Variants in IL20RB observed in about 807,000 individuals in gnomAD.
IL20RB encodes interleukin 20 receptor subunit beta.
A neutral mutation model predicts 33.3 loss-of-function variants in IL20RB; 21 were observed. That is an observed-to-expected ratio of 0.63 (90% CI 0.45 to 0.91). IL20RB has a LOEUF of 0.91. IL20RB is among the 40% of genes least tolerant of loss of function. The pLI is 0.00. For missense variants in IL20RB, 345 were observed against 384.8 expected, an observed-to-expected ratio of 0.90 and a Z score of 0.86; for synonymous variants, 147 against 146.8, an observed-to-expected ratio of 1.00 and a Z score of -0.01.
At chr3:137,004,907 G>A (rs777862884) in intron 6 of IL20RB, among the ~76,000 whole-genome samples, 7 of 152,166 alleles carry the variant, frequency 4.6e-5, no homozygotes, top group Admixed American at 6.5e-5. Flanking sequence ...AGCATTTAGT[G>A]CTATAAATTT....
At chr3:136,966,575 A>T (rs1941357247) in intron 1 of IL20RB, among the ~76,000 whole-genome samples, 3 of 86,198 alleles carry the variant, frequency 3.5e-5, no homozygotes, top group Non-Finnish European at 6.7e-5. Flanking sequence ...TGTCTATTTG[A>T]TTCTTTTCTC....
chr3:136,998,732 A>T (rs955824299), intron 6 of IL20RB, among the ~76,000 whole-genome samples: 2 of 152,144 alleles, frequency 1.3e-5, no homozygotes, highest in Admixed American at 6.5e-5. Context: ...TATGTTGCCC[A>T]GGCTAGTCTG....
chr3:136,974,893 G>A (rs1246972621), intron 1 of IL20RB, among the ~76,000 whole-genome samples: 2 of 152,046 alleles, frequency 1.3e-5, no homozygotes, highest in African/African-American at 4.8e-5. Context: ...CTAGTCTATT[G>A]TTGAAGCTTT....
chr3:137,003,330 G>A (rs966048932), intron 6 of IL20RB, among the ~76,000 whole-genome samples: 1 of 152,156 alleles, frequency 6.6e-6, no homozygotes, highest in African/African-American at 2.4e-5. Flanking sequence ...GCTTGATGGG[G>A]ATGGCATTGA....
chr3:137,006,885 G>A (rs1942360530), intron 6 of IL20RB, among the ~76,000 whole-genome samples: 1 of 152,220 alleles, frequency 6.6e-6, no homozygotes, highest in African/African-American at 2.4e-5. Context: ...TTTCTGCTCT[G>A]GTTTCTCCCC....
chr3:136,995,619 CT>C, intron 6 of IL20RB, 63 bp downstream of exon 6: 1 of 1,510,082 alleles, frequency 6.6e-7, no homozygotes, highest in Non-Finnish European at 9.2e-7. Flanking sequence ...TGGGCCTTAG[CT>C]GGGCATGGGC....
chr3:136,983,928 C>T (rs2108201753), intron 3 of IL20RB, among the ~76,000 whole-genome samples: 1 of 152,318 alleles, frequency 6.6e-6, no homozygotes, highest in East Asian at 1.9e-4. Context: ...CCTTGCCCTC[C>T]TGGGCTCAAG....
At chr3:137,003,809 T>C (rs949334770) in intron 6 of IL20RB, among the ~76,000 whole-genome samples, 5 of 152,218 alleles carry the variant, frequency 3.3e-5, no homozygotes, top group Non-Finnish European at 7.3e-5. Flanking sequence ...CTATGTTGAA[T>C]AGGAGTGGTG....
chr3:136,960,829 C>CAAAGG (rs1941199030), intron 1 of IL20RB, among the ~76,000 whole-genome samples: 1 of 151,876 alleles, frequency 6.6e-6, no homozygotes, highest in African/African-American at 2.4e-5. Context: ...GGAGGAGGGA[C>CAAAGG]AAAGGAAAGG....
intron 3 of IL20RB, among the ~76,000 whole-genome samples, chr3:136,987,251 C>T (rs1941924790): frequency 6.6e-6 from 1 of 152,000 alleles, no homozygotes; most frequent in African/African-American, 2.4e-5. Context: ...CGTTTACAAT[C>T]CCTGAGCTAG....
chr3:136,966,754 G>T (rs1312481938), intron 1 of IL20RB, among the ~76,000 whole-genome samples: 1 of 33,016 alleles, frequency 3.0e-5, no homozygotes, highest in Admixed American at 4.3e-4. Context: ...GAATGTGTTT[G>T]CTCTTGCTTT....
chr3:137,010,535 T>A lies in IL20RB; in HGVS notation c.*312T>A. ...GTAATGGGGGAATTACCTACACACCTGCTAAACACACACACACAGAGTCTC... is the reference window on the plus strand; with the variant it reads ...GTAATGGGGGAATTACCTACACACCAGCTAAACACACACACACAGAGTCTC... On this transcript the variant is annotated 3_prime_UTR_variant, in exon 7 of 7. Coordinates refer to ENST00000329582, the MANE Select transcript of IL20RB (RefSeq NM_144717.4). 1 of 271,424 alleles carries A rather than the reference T, an allele frequency of 3.7e-6. No individual in the cohort carries two copies. The allele number at this position is 271,424 out of a possible 1,614,324, so 16.8% of individuals were successfully genotyped here.
intron 3 of IL20RB, among the ~76,000 whole-genome samples, chr3:136,983,029 G>A (rs1045220680): frequency 6.6e-6 from 1 of 152,100 alleles, no homozygotes; most frequent in Non-Finnish European, 1.5e-5. Context: ...GCTTTGACAC[G>A]AAGCTTGACC....
chr3:136,971,129 A>ATGTT (rs1941471551), intron 1 of IL20RB, among the ~76,000 whole-genome samples: 1 of 151,546 alleles, frequency 6.6e-6, no homozygotes, highest in Non-Finnish European at 1.5e-5. Context: ...TTCTAACTAT[A>ATGTT]TGTTTTGTTT....
At chr3:136,998,521 G>C (rs1472608074) in intron 6 of IL20RB, among the ~76,000 whole-genome samples, 1 of 151,154 alleles carries the variant, frequency 6.6e-6, no homozygotes, top group Non-Finnish European at 1.5e-5. Context: ...TTAATTATAG[G>C]TTTAGTAATG....
chr3:137,007,196 CTG>C (rs1309164373), intron 6 of IL20RB, among the ~76,000 whole-genome samples: 2 of 152,060 alleles, frequency 1.3e-5, no homozygotes, highest in African/African-American at 4.8e-5. Context: ...TATGAGGTGT[CTG>C]TCAGCCCCTA....
intron 6 of IL20RB, among the ~76,000 whole-genome samples, chr3:137,009,083 T>G (rs570595542): frequency 2.0e-5 from 3 of 152,322 alleles, no homozygotes; most frequent in East Asian, 3.9e-4. Context: ...CTGTTGGCAT[T>G]TGCCCATGGA....
intron 6 of IL20RB, among the ~76,000 whole-genome samples, chr3:136,997,105 T>C (rs544594024): frequency 4.0e-5 from 6 of 150,594 alleles, no homozygotes; most frequent in Non-Finnish European, 7.4e-5. Flanking sequence ...CTCTCTCTCT[T>C]TTTTTTTTTC....
chr3:136,978,466 G>A (rs917232105), intron 1 of IL20RB, among the ~76,000 whole-genome samples: 18 of 152,044 alleles, frequency 1.2e-4, no homozygotes, highest in East Asian at 1.9e-4. Flanking sequence ...CACCTGGCCT[G>A]TTTTGTCTTG....
Sources: allele counts gnomAD v4.1 joint callset (sites outside exome capture counted in the v4.1 genomes callset), GRCh38; gene constraint gnomAD v4.1.1; transcripts MANE v1.5; gene names NCBI Gene and HGNC (gene_info 2026-07-23, HGNC 2026-07-21).